RYR3: variants seen among roughly 807,000 people sequenced by gnomAD.
The protein encoded by RYR3 is ryanodine receptor 3, also known as brain ryanodine receptor-calcium release channel.
Under a neutral mutation model 584.3 loss-of-function variants are expected in RYR3, and 207 were observed. The observed-to-expected ratio is 0.35, with a 90% CI of 0.32 to 0.40. The LOEUF (loss-of-function observed/expected upper bound fraction) is 0.40, where lower values mean the gene tolerates loss of function less well. RYR3 is among the 10% of genes least tolerant of loss of function. RYR3 has a pLI of 1.00. For synonymous variants in RYR3, 2,416 were observed against 2,248.5 expected (o/e 1.07, Z -2.11); for missense variants, 5,616 against 6,089.2 (o/e 0.92, Z 2.59).
At chr15:33,560,250 G>T (rs946889136) in intron 10 of RYR3, among the ~76,000 whole-genome samples, 4 of 152,232 alleles carry the variant, frequency 2.6e-5, no homozygotes, top group Admixed American at 6.5e-5. Context: ...GTTGCATTGG[G>T]TTGTTTTTCA....
Position 33,565,602 on chromosome 15 carries a change from A to G in RYR3, c.1147-1076A>G, listed in dbSNP as rs536684761. Among the ~76,000 whole-genome samples the G allele has an allele frequency of 2.3e-4, 29 of 124,686 alleles. No individual in the cohort carries two copies. The South Asian group carries it at 6.2e-3, about 27-fold the overall frequency. 81.8% of individuals were successfully genotyped at this position (124,686 alleles called of 152,430 possible). A position where few individuals can be genotyped will look rare whatever the true frequency, so the allele number is the denominator to read the frequency against. ...TTTTCTAGAGCCACATGTTTTGTCT[A>G]TGTTGACATGTAGACTTCCAGGATC... is the stretch of plus-strand genomic sequence containing the variant. On this transcript the variant is annotated intron_variant, in intron 11 of 103. Coordinates refer to ENST00000634891, the MANE Select transcript of RYR3 (RefSeq NM_001036.6).
intron 53 of RYR3, among the ~76,000 whole-genome samples, chr15:33,747,536 T>G (rs1433525735): frequency 6.6e-6 from 1 of 151,560 alleles, no homozygotes; most frequent in African/African-American, 2.4e-5. Context: ...GCAATTCTTT[T>G]GCCTTAGCCT....
In RYR3 at chr15:33,818,602, G is replaced by A. The variant is rs1195837601; in HGVS notation, c.10624G>A (p.Glu3542Lys). The A allele has an allele frequency of 1.2e-6, 2 of 1,613,620 alleles. No individual in the cohort carries two copies. Among genetic ancestry groups the A allele is most frequent in the Non-Finnish European group, 1.7e-6 (2 of 1,179,726 alleles). ...LAKSPKVEEE[E>K]EEETEKQPDP... ...GAAATCTCCAAAGGTGGAAGAGGAG[G>A]AGGAGGAAGAGACAGAAAAACAACC... Residue 3542 changes from glutamate (E) to lysine (K), a missense_variant, in exon 76 of 104, where the codon GAG becomes AAG. Physicochemically the swap from Glu to Lys is moderately conservative, Grantham distance 56. Transcript: ENST00000634891.
At chr15:33,374,078 C>T (rs2040538269) in intron 1 of RYR3, among the ~76,000 whole-genome samples, 1 of 152,022 alleles carries the variant, frequency 6.6e-6, no homozygotes, top group Non-Finnish European at 1.5e-5. Context: ...TTTTTATTTT[C>T]CCTGTTAAAT....
intron 3 of RYR3, among the ~76,000 whole-genome samples, chr15:33,508,760 G>T (rs144580753): frequency 6.6e-6 from 1 of 152,172 alleles, no homozygotes; most frequent in Admixed American, 6.5e-5. Context: ...TCATCTCCCC[G>T]TATTACTTGT....
At chr15:33,325,502 C>T (rs2140581965) in intron 1 of RYR3, among the ~76,000 whole-genome samples, 1 of 152,236 alleles carries the variant, frequency 6.6e-6, no homozygotes, top group African/African-American at 2.4e-5. Flanking sequence ...ACTCCTGTTT[C>T]CTTCTAGTCC....
In RYR3 at chr15:33,581,604, G is replaced by A. The variant is rs1315393886; in HGVS notation, c.1534G>A (p.Ala512Thr). ...AGIAREESGM[A>T]WKEILNLLYK... ...GATTGCAAGGGAAGAGAGTGGCATG[G>A]CCTGGAAAGAAATTCTGAACCTCCT... The change falls in exon 14 of 104, where the codon GCC becomes ACC. Residue 512 changes from alanine to threonine, a missense_variant. Ala to Thr is a moderately conservative substitution (Grantham distance 58). This residue lies in a region of RYR3 where 1,284 missense variants were observed against 1,344.6 expected (regional missense o/e 0.95). Transcript: ENST00000634891. 6.2e-7 allele frequency: 1 copy of A among 1,613,738 alleles called. No individual in the cohort carries two copies. Among genetic ancestry groups the A allele is most frequent in the Admixed American group, 1.7e-5 (1 of 60,026 alleles).
At position 33,651,833 on chromosome 15, in the gene RYR3, C is replaced by A. The variant is rs1283258481; in HGVS notation, c.4143-885C>A. On this transcript the variant is annotated intron_variant, in intron 31 of 103. Transcript: ENST00000634891. ...TGAGAAAAGTCATGTCATGTCACTTCAAGGGACCAGGTGCCTGAGCTGACG... is the reference window on the plus strand; with the variant it reads ...TGAGAAAAGTCATGTCATGTCACTTAAAGGGACCAGGTGCCTGAGCTGACG... Among the ~76,000 whole-genome samples, 6 of 152,250 alleles carry A rather than the reference C, an allele frequency of 3.9e-5. No individual in the cohort carries two copies. In the South Asian group the frequency reaches 1.0e-3, roughly 26 times the overall value.
rs184892594 is a variant in RYR3 at position 33,619,486 on chromosome 15, G to T, written c.2358-4321G>T. Among the ~76,000 whole-genome samples the T allele has an allele frequency of 1.8e-4, 28 of 152,202 alleles. 1 individual carries two copies. In the East Asian group the frequency reaches 5.4e-3, roughly 29 times the overall value. ...TTAAAAGATAAACATGAAGTGCCAG[G>T]TAACAATTTACTGAGAGAAGTGGAC... On this transcript the variant is annotated intron_variant, in intron 19 of 103. Transcript: ENST00000634891.
At chr15:33,435,278 A>G (rs2045569352) in intron 1 of RYR3, among the ~76,000 whole-genome samples, 1 of 152,080 alleles carries the variant, frequency 6.6e-6, no homozygotes, top group South Asian at 2.1e-4. Flanking sequence ...GATAATTATA[A>G]TTTTTATATA....
At chr15:33,653,765 C>A (rs2062644744) in intron 32 of RYR3, among the ~76,000 whole-genome samples, 1 of 152,064 alleles carries the variant, frequency 6.6e-6, no homozygotes, top group Non-Finnish European at 1.5e-5. Context: ...ACCTGTTATA[C>A]ACATGTAGGT....
At chr15:33,630,088 G>T (rs1262499040) in intron 22 of RYR3, 45 bp downstream of exon 22, 3 of 1,077,576 alleles carry the variant, frequency 2.8e-6, no homozygotes, top group Non-Finnish European at 4.1e-6. Context: ...ATGAATAGAT[G>T]ATTTAATGCA....
chr15:33,469,936 G>A (rs764847070), intron 1 of RYR3, among the ~76,000 whole-genome samples: 1 of 152,138 alleles, frequency 6.6e-6, no homozygotes, highest in Non-Finnish European at 1.5e-5. Flanking sequence ...GGGAATGGAG[G>A]GGTTTCAAGA....
chr15:33,493,262 T>G (rs531686646), intron 2 of RYR3, among the ~76,000 whole-genome samples: 7 of 152,284 alleles, frequency 4.6e-5, no homozygotes, highest in Non-Finnish European at 7.4e-5. Flanking sequence ...GATGGGACAC[T>G]GTGGTTGATT....
intron 1 of RYR3, among the ~76,000 whole-genome samples, chr15:33,323,142 C>T (rs760784800): frequency 5.3e-5 from 8 of 151,926 alleles, no homozygotes; most frequent in African/African-American, 1.9e-4. Flanking sequence ...GACAGAGTCT[C>T]ACTCTGTCTC....
At chr15:33,431,150 C>T (rs1003035774) in intron 1 of RYR3, among the ~76,000 whole-genome samples, 2 of 152,138 alleles carry the variant, frequency 1.3e-5, no homozygotes, top group African/African-American at 2.4e-5. Context: ...AGTATCTATC[C>T]AATCCAGCAC....
intron 31 of RYR3, 100 bp from the exon 32 acceptor site, chr15:33,652,618 A>G: frequency 8.0e-7 from 1 of 1,248,862 alleles, no homozygotes; most frequent in South Asian, 1.4e-5. Flanking sequence ...GCTTCCTAGG[A>G]AAGTTTCTGT....
At chr15:33,692,729 T>A (rs966984137) in intron 38 of RYR3, among the ~76,000 whole-genome samples, 2 of 151,570 alleles carry the variant, frequency 1.3e-5, no homozygotes, top group Non-Finnish European at 3.0e-5. Context: ...GAGTGGCAGG[T>A]GTTTGCTGCT....
chr15:33,451,108 A>G (rs1372223804), intron 1 of RYR3, among the ~76,000 whole-genome samples: 1 of 152,178 alleles, frequency 6.6e-6, no homozygotes, highest in Non-Finnish European at 1.5e-5. Flanking sequence ...TCTGAACCTT[A>G]TTAGTTTTCT....
Sources: allele counts gnomAD v4.1 joint callset (sites outside exome capture counted in the v4.1 genomes callset), GRCh38; gene constraint gnomAD v4.1.1; regional missense constraint gnomAD v4.1.1; transcripts MANE v1.5; gene names NCBI Gene and HGNC (gene_info 2026-07-23, HGNC 2026-07-21).